ADGRL2: variants seen among roughly 807,000 people sequenced by gnomAD.
ADGRL2 encodes the protein calcium-independent alpha-latrotoxin receptor 2.
In ADGRL2, 44 loss-of-function variants were observed where a neutral mutation model predicts 157.4. The ratio of observed to expected loss-of-function variants is 0.28; its 90% CI spans 0.22 to 0.36. The LOEUF (loss-of-function observed/expected upper bound fraction) is 0.36. Ranked by LOEUF, ADGRL2 falls within the 10% of genes least tolerant of loss-of-function variation. The pLI is 1.00. For missense variants in ADGRL2, 1,510 were observed against 1,768.9 expected (o/e 0.85, Z 2.63); for synonymous variants, 585 against 624.7 (o/e 0.94, Z 0.95).
At chr1:81,335,445 A>G (rs1027468924) in intron 1 of ADGRL2, among the ~76,000 whole-genome samples, 1 of 152,208 alleles carries the variant, frequency 6.6e-6, no homozygotes, top group African/African-American at 2.4e-5. Flanking sequence ...TTACACATAC[A>G]AAATATTGAA....
intron 11 of ADGRL2, 47 bp from the exon 12 acceptor site, chr1:81,966,009 CTT>C: frequency 6.2e-7 from 1 of 1,600,430 alleles, no homozygotes. Context: ...TTAGTTAACT[CTT>C]AAAGAATCCT....
chr1:81,360,138 C>T (rs1291860195), intron 1 of ADGRL2, among the ~76,000 whole-genome samples: 2 of 151,980 alleles, frequency 1.3e-5, no homozygotes, highest in African/African-American at 4.8e-5. Context: ...TTTCTCACTT[C>T]ATTTCATGGT....
chr1:81,316,714 C>T (rs1660131829), intron 1 of ADGRL2, among the ~76,000 whole-genome samples: 2 of 152,124 alleles, frequency 1.3e-5, no homozygotes, highest in African/African-American at 4.8e-5. Context: ...GAAATGAAAG[C>T]TGGATGATCA....
chr1:81,402,299 G>A (rs766004817), intron 1 of ADGRL2, among the ~76,000 whole-genome samples: 2 of 152,116 alleles, frequency 1.3e-5, no homozygotes, highest in Non-Finnish European at 2.9e-5. Context: ...CTGCCTGCCA[G>A]GCTCCCTAGT....
chr1:81,429,484 C>T, intron 1 of ADGRL2, among the ~76,000 whole-genome samples: 1 of 152,170 alleles, frequency 6.6e-6, no homozygotes, highest in South Asian at 2.1e-4. Flanking sequence ...CTAAATCAAG[C>T]AGGCACGATT....
intron 3 of ADGRL2, among the ~76,000 whole-genome samples, chr1:81,680,273 G>A (rs57902279): frequency 0.018 from 2,677 of 152,278 alleles, 33 homozygotes; most frequent in South Asian, 0.053. Context: ...AAACACAGAG[G>A]AGTTCACTAT....
At chr1:81,703,106 G>A (rs1210721124) in intron 1 of ADGRL2, among the ~76,000 whole-genome samples, 1 of 152,182 alleles carries the variant, frequency 6.6e-6, no homozygotes, top group African/African-American at 2.4e-5. Flanking sequence ...AGTCAGCAAT[G>A]ATTAGGTCAA....
chr1:81,489,795 C>T (rs894232922), intron 2 of ADGRL2, among the ~76,000 whole-genome samples: 19 of 152,170 alleles, frequency 1.2e-4, no homozygotes, highest in African/African-American at 4.3e-4. Flanking sequence ...GGCCCAACAG[C>T]AGTGGGCCAA....
intron 1 of ADGRL2, among the ~76,000 whole-genome samples, chr1:81,816,810 A>G (rs913427706): frequency 1.3e-5 from 2 of 151,940 alleles, no homozygotes; most frequent in African/African-American, 4.8e-5. Flanking sequence ...CTTTTATTCA[A>G]CCTACAAAAT....
In ADGRL2 at chr1:81,408,869, C is replaced by T. The variant is rs115948172; in HGVS notation, c.-301-36167C>T. On this transcript the variant is annotated intron_variant, in intron 1 of 24. Coordinates refer to the ADGRL2 transcript ENST00000370721. Reference sequence around the variant, plus strand: ...GTTCATTAGTTTACATGGGAGGGGCCAAAGAAATAAAGCAGCAACAGTTTG... The same window carrying T: ...GTTCATTAGTTTACATGGGAGGGGCTAAAGAAATAAAGCAGCAACAGTTTG... 2.6e-3 allele frequency among the ~76,000 whole-genome samples: 390 copies of T among 152,202 alleles called. 1 individual carries two copies. Among genetic ancestry groups the T allele is most frequent in the African/African-American group, 9.1e-3 (376 of 41,528 alleles).
Position 81,943,850 on chromosome 1 carries a change from C to G in ADGRL2, c.1210+81C>G, listed in dbSNP as rs966925997. The G allele has an allele frequency of 3.2e-5, 35 of 1,086,970 alleles. No homozygotes were observed. Among genetic ancestry groups the G allele is most frequent in the Non-Finnish European group, 4.7e-5 (35 of 749,198 alleles). The allele number at this position is 1,086,970 out of a possible 1,614,324, so 67.3% of individuals were successfully genotyped here. ...TTAAAGACTTCTTAATTTTTTTTTC[C>G]TATTTTCTTCCCCTTTTCATAGTTA... On this transcript the variant is annotated intron_variant, in intron 6 of 23. Transcript: ENST00000686636. This position sits in a 1 kb window ranked among gnomAD's most constrained non-coding sequence, Gnocchi z 5.6.
At chr1:81,757,955 TA>T (rs988175554) in intron 1 of ADGRL2, among the ~76,000 whole-genome samples, 3 of 152,074 alleles carry the variant, frequency 2.0e-5, no homozygotes, top group African/African-American at 7.2e-5. Context: ...CCAAACTAAG[TA>T]AAAACACGAT....
At chr1:81,788,709 G>A (rs184576684) in intron 2 of ADGRL2, among the ~76,000 whole-genome samples, 1 of 152,096 alleles carries the variant, frequency 6.6e-6, no homozygotes, top group Non-Finnish European at 1.5e-5. Context: ...TTCTTCAGAA[G>A]TTGGAAATCC....
intron 3 of ADGRL2, among the ~76,000 whole-genome samples, chr1:81,689,507 G>A (rs1411036913): frequency 6.6e-6 from 1 of 152,190 alleles, no homozygotes; most frequent in Admixed American, 6.5e-5. Context: ...AAAACATTTT[G>A]TGGGGCCTCA....
chr1:81,496,087 T>C (rs1162037060), intron 2 of ADGRL2, among the ~76,000 whole-genome samples: 2 of 152,154 alleles, frequency 1.3e-5, no homozygotes, highest in Admixed American at 1.3e-4. Context: ...AGAGAAGAGC[T>C]AGGTAATGCC....
At chr1:81,889,538 TG>T (rs1216863846) in intron 2 of ADGRL2, among the ~76,000 whole-genome samples, 1 of 151,758 alleles carries the variant, frequency 6.6e-6, no homozygotes, top group Non-Finnish European at 1.5e-5. Flanking sequence ...CTCATGGGGC[TG>T]AAGGAAAGAA....
rs1664821152 is a variant in ADGRL2 at position 81,993,058 on chromosome 1, C to CACATAT, written c.*1914_*1915insCATATA. Among the ~76,000 whole-genome samples, 1 of 40,848 alleles carries CACATAT rather than the reference C, an allele frequency of 2.4e-5. No homozygotes were observed. The highest frequency in any genetic ancestry group is 3.8e-5 in the Non-Finnish European group (1 of 25,976). 26.8% of individuals were successfully genotyped at this position (40,848 alleles called of 152,430 possible). A position where few individuals can be genotyped will look rare whatever the true frequency, so the allele number is the denominator to read the frequency against. On this transcript the variant is annotated 3_prime_UTR_variant, in exon 24 of 24. Coordinates refer to ENST00000686636, the MANE Select transcript of ADGRL2 (RefSeq NM_001366006.2). ...AAATTAAGTGCATATATATAATATA[C>CACATAT]ATATATATATATATATATATATATA...
chr1:81,910,658 G>A (rs1184274890), intron 3 of ADGRL2, among the ~76,000 whole-genome samples: 2 of 148,416 alleles, frequency 1.3e-5, no homozygotes, highest in African/African-American at 2.5e-5. Flanking sequence ...GTGGTACTCC[G>A]GGCATCTTTA....
chr1:81,831,000 G>A (rs1357710682), intron 1 of ADGRL2, among the ~76,000 whole-genome samples: 1 of 152,082 alleles, frequency 6.6e-6, no homozygotes, highest in African/African-American at 2.4e-5. Flanking sequence ...GCCAGTAACG[G>A]TGATTTATGA....
Sources: gnomAD v4.1 joint callset for allele counts (sites outside exome capture counted in the v4.1 genomes callset) on GRCh38, gnomAD v4.1.1 for gene constraint, Gnocchi (gnomAD v3.1) non-coding constraint, MANE v1.5 for transcripts, NCBI Gene and HGNC (gene_info 2026-07-23, HGNC 2026-07-21) for gene names.